TMEM59: variants seen among roughly 807,000 people sequenced by gnomAD.
TMEM59 encodes dendritic cell factor 1.
A neutral mutation model predicts 42.2 loss-of-function variants in TMEM59; 44 were observed. The ratio of observed to expected loss-of-function variants is 1.04; its 90% CI spans 0.82 to 1.34. TMEM59 has a LOEUF of 1.34. Among genes scored for constraint, TMEM59 ranks in the 40% most tolerant of loss-of-function variants. The probability of loss-of-function intolerance (pLI) is 0.00; values close to 1 mark genes in which losing one functional copy is unlikely to be tolerated. For missense variants in TMEM59, 359 were observed against 382.8 expected (o/e 0.94, Z 0.52); for synonymous variants, 148 against 145.8 (o/e 1.02, Z -0.11).
At chr1:54,046,041 T>A (rs1286330480) in intron 2 of TMEM59, among the ~76,000 whole-genome samples, 1 of 152,186 alleles carries the variant, frequency 6.6e-6, no homozygotes, top group African/African-American at 2.4e-5. Context: ...ATGACATTCA[T>A]ATAAGAGGAT....
rs527657418 is a variant in TMEM59 at position 54,043,117 on chromosome 1, C to A, written c.543+256G>T. Among the ~76,000 whole-genome samples the A allele has an allele frequency of 2.0e-5, 3 of 152,128 alleles. No homozygotes were observed. In the South Asian group the frequency reaches 6.2e-4, roughly 32 times the overall value. On this transcript the variant is annotated intron_variant, in intron 4 of 7. Transcript: ENST00000234831. ...TAAAAATTTCATTTTATCAATTTAA[C>A]CACCATAAAATTTAAAAGACTCAAG...
intron 7 of TMEM59, chr1:54,033,685 G>C (rs956351897): frequency 2.0e-5 from 3 of 151,046 alleles, no homozygotes; most frequent in African/African-American, 7.3e-5. Context: ...CCAAAAGTTA[G>C]AAACTGAAGT....
intron 1 of TMEM59, among the ~76,000 whole-genome samples, chr1:54,050,436 C>T (rs762346095): frequency 5.3e-5 from 8 of 150,794 alleles, no homozygotes; most frequent in Non-Finnish European, 1.0e-4. Flanking sequence ...AACGAGATTT[C>T]TATCTCGTTT....
In TMEM59 at chr1:54,045,802, A is replaced by AT; in HGVS notation, c.296-17_296-16insA. 6.3e-7 allele frequency: 1 copy of AT among 1,588,072 alleles called. No homozygotes were observed. Among genetic ancestry groups the AT allele is most frequent in the East Asian group, 2.3e-5 (1 of 44,392 alleles). On this transcript the variant is annotated splice_polypyrimidine_tract_variant and intron_variant, in intron 2 of 7. Coordinates refer to ENST00000234831, the MANE Select transcript of TMEM59 (RefSeq NM_004872.5). ...TCTGTACATGCTGTAAGAGAAAAATAGTCAAATTACAAGAAACAAAAGAGA... is the reference window on the plus strand; with the variant it reads ...TCTGTACATGCTGTAAGAGAAAAATATGTCAAATTACAAGAAACAAAAGAGA...
At position 54,036,708 on chromosome 1, in the gene TMEM59, AC is replaced by A; in HGVS notation, c.717del (p.Trp240GlyfsTer3). On this transcript the variant is annotated frameshift_variant, in exon 7 of 8. Transcript: ENST00000234831. LOFTEE classifies it high-confidence loss of function. ...AGGACAAGAGTTGTAGTTAAAATCC[AC>A]CCAGAGTTACTGGAAAAAAAAAATC... is the stretch of plus-strand genomic sequence containing the variant. The part of the protein sequence containing the change: ...GFLRCLSLNS[G>X]WILTTTLVLS... 1.3e-6 allele frequency: 2 copies of A among 1,582,116 alleles called. No homozygotes were observed. Among genetic ancestry groups the A allele is most frequent in the South Asian group, 2.4e-5 (2 of 84,192 alleles).
rs1194586780 is a variant in TMEM59, at chr1:54,037,744, G to GT, written c.708-1027dup. ...AGAGGTGGACTTTGGAGAATGTATT[G>GT]TATCTAAAAGCAGGGAACTCCCATA... On this transcript the variant is annotated intron_variant, in intron 6 of 7. Transcript: ENST00000234831. Among the ~76,000 whole-genome samples the GT allele has an allele frequency of 3.9e-5, 6 of 152,322 alleles. No individual in the cohort carries two copies. The East Asian group carries it at 1.2e-3, about 29-fold the overall frequency.
At position 54,029,987 on chromosome 1, in the gene TMEM59, T is replaced by A. The variant is rs972671244; in HGVS notation, c.*2163A>T. ...AAGAATGTCTTGGTATTTTCACATA[T>A]AAGGAATTCTCTCAACAAGAGGGGA... On this transcript the variant is annotated 3_prime_UTR_variant, in exon 8 of 8. Transcript: ENST00000234831. The A allele has an allele frequency of 3.3e-5, 5 of 152,108 alleles. No homozygotes were observed. The highest frequency in any genetic ancestry group is 3.3e-4 in the Admixed American group (5 of 15,258). 9.4% of individuals were successfully genotyped at this position (152,108 alleles called of 1,614,324 possible).
rs141252843 is a variant in TMEM59, at chr1:54,049,002, T to C, written c.190-1630A>G. On this transcript the variant is annotated intron_variant, in intron 1 of 7. Coordinates refer to ENST00000234831, the MANE Select transcript of TMEM59 (RefSeq NM_004872.5). ...TATTTTATGTCTCTGGAGCACCACA[T>C]ATTTCCTTATATTGCACAAAGGAAG... Among the ~76,000 whole-genome samples, 1,238 of 152,336 alleles carry C rather than the reference T, an allele frequency of 8.1e-3. 8 individuals are homozygous for C. Among genetic ancestry groups the C allele is most frequent in the Non-Finnish European group, 0.011 (760 of 68,030 alleles).
intron 1 of TMEM59, among the ~76,000 whole-genome samples, chr1:54,052,761 G>C (rs6662697): frequency 0.016 from 2,379 of 152,268 alleles, 64 homozygotes; most frequent in African/African-American, 0.055. Context: ...GAAAGGGATC[G>C]CGTCTTTCTC....
rs751743826 is a variant in TMEM59 at position 54,032,236 on chromosome 1, G to A, written c.886C>T (p.Leu296Phe). 2.5e-6 allele frequency: 4 copies of A among 1,613,080 alleles called. No individual in the cohort carries two copies. The African/African-American group carries it at 5.3e-5, about 22-fold the overall frequency. The change falls in exon 8 of 8, where the codon CTT becomes TTT. Residue 296 changes from leucine (L) to phenylalanine (F), a missense_variant. Coordinates refer to ENST00000234831, the MANE Select transcript of TMEM59 (RefSeq NM_004872.5). ...QKLNRYPASS[L>F]VVVRSKTEDH... Reference sequence around the variant, plus strand: ...TCAGTTTTAGATCTAACAACCACAAGAGAAGAAGCTGGATATCTGTTTAGC... The same window carrying A: ...TCAGTTTTAGATCTAACAACCACAAAAGAAGAAGCTGGATATCTGTTTAGC...
chr1:54,046,666 G>A (rs1475376075), intron 2 of TMEM59, among the ~76,000 whole-genome samples: 1 of 152,120 alleles, frequency 6.6e-6, no homozygotes, highest in African/African-American at 2.4e-5. Flanking sequence ...GGGAAAAGGT[G>A]CCTCCTTCTA....
chr1:54,037,162 A>G (rs1656979195), intron 6 of TMEM59, among the ~76,000 whole-genome samples: 1 of 152,208 alleles, frequency 6.6e-6, no homozygotes, highest in East Asian at 1.9e-4. Context: ...TTATAAAAGA[A>G]TTCACACCAG....
rs1025263317 is a variant in TMEM59 at position 54,036,216 on chromosome 1, G to A, written c.816+394C>T. On this transcript the variant is annotated intron_variant, in intron 7 of 7. Coordinates refer to ENST00000234831, the MANE Select transcript of TMEM59 (RefSeq NM_004872.5). ...GAATCACTTGAACCTAGGAAGCAGA[G>A]GTTGCAGTGAGCCAAGATCCTGGCC... is the stretch of plus-strand genomic sequence containing the variant. Among the ~76,000 whole-genome samples, 3 of 152,042 alleles carry A rather than the reference G, an allele frequency of 2.0e-5. No individual in the cohort carries two copies. The South Asian group carries it at 6.2e-4, about 32-fold the overall frequency.
intron 6 of TMEM59, among the ~76,000 whole-genome samples, chr1:54,039,265 C>T (rs1657057538): frequency 6.6e-6 from 1 of 150,882 alleles, no homozygotes; most frequent in Non-Finnish European, 1.5e-5. Context: ...CACAAAATTA[C>T]TTTTAAAGTG....
At position 54,036,618 on chromosome 1, in the gene TMEM59, G is replaced by T; in HGVS notation, c.808C>A (p.Pro270Thr). ...GTAAGAATTAAATTTACCTCAGAGG[G>T]AACATACTGCTCCACAGCTGTAGCA... ...TVATAVEQYV[P>T]SEKLSIYGDL... Residue 270 changes from proline to threonine, a missense_variant, in exon 7 of 8, where the codon CCC (proline) becomes ACC (threonine). Physicochemically the swap from Pro to Thr is conservative, Grantham distance 38. Coordinates refer to ENST00000234831, the MANE Select transcript of TMEM59 (RefSeq NM_004872.5). The T allele has an allele frequency of 1.2e-6, 2 of 1,602,000 alleles. No homozygotes were observed. Among genetic ancestry groups the T allele is most frequent in the South Asian group, 2.2e-5 (2 of 89,008 alleles).
chr1:54,043,614 T>C (rs1456238996), intron 3 of TMEM59, 89 bp from the exon 4 acceptor site: 7 of 885,940 alleles, frequency 7.9e-6, no homozygotes, highest in East Asian at 3.6e-5. Flanking sequence ...CCAATCCTTA[T>C]TGGGACAGGA....
intron 1 of TMEM59, among the ~76,000 whole-genome samples, chr1:54,049,659 A>T (rs1228190034): frequency 6.6e-6 from 1 of 152,176 alleles, no homozygotes; most frequent in African/African-American, 2.4e-5. Context: ...AATACCAGCT[A>T]AATTCATAAT....
At chr1:54,040,593 C>T (rs1392215741) in intron 6 of TMEM59, among the ~76,000 whole-genome samples, 163 bp downstream of exon 6, 2 of 152,154 alleles carry the variant, frequency 1.3e-5, no homozygotes, top group Non-Finnish European at 2.9e-5. Flanking sequence ...AGTATGCCTA[C>T]AACCTTTTAA....
At chr1:54,041,136 T>C (rs1358281143) in intron 5 of TMEM59, among the ~76,000 whole-genome samples, 1 of 152,218 alleles carries the variant, frequency 6.6e-6, no homozygotes, top group Non-Finnish European at 1.5e-5. Flanking sequence ...TGGTCTTATG[T>C]TATGTGCTAT....
Sources: allele counts gnomAD v4.1 joint callset (sites outside exome capture counted in the v4.1 genomes callset), GRCh38; gene constraint gnomAD v4.1.1; transcripts MANE v1.5; gene names NCBI Gene and HGNC (gene_info 2026-07-23, HGNC 2026-07-21).